The following OBI1 variants were observed in gnomAD, a reference collection of about 807,000 sequenced individuals.
OBI1 encodes ring finger protein 219.
Under a neutral mutation model 62.4 loss-of-function variants are expected in OBI1, and 59 were observed. That is an observed-to-expected ratio of 0.95 (90% CI 0.77 to 1.17). The LOEUF (loss-of-function observed/expected upper bound fraction) is 1.17, where lower values mean the gene tolerates loss of function less well. Ranked by LOEUF, OBI1 falls within the 50% of genes most tolerant of loss-of-function variation. The probability of loss-of-function intolerance (pLI) is 0.00; values close to 1 mark genes in which losing one functional copy is unlikely to be tolerated. For synonymous variants in OBI1, 302 were observed against 292.8 expected (o/e 1.03, Z -0.32); for missense variants, 875 against 830.9 (o/e 1.05, Z -0.65).
intron 5 of OBI1, among the ~76,000 whole-genome samples, chr13:78,621,840 T>A (rs1593786201): frequency 6.6e-6 from 1 of 152,188 alleles, no homozygotes; most frequent in Non-Finnish European, 1.5e-5. Flanking sequence ...GAGCAAACGA[T>A]AAAATGCTGG....
At chr13:78,649,698 G>C (rs1243573325) in intron 1 of OBI1, among the ~76,000 whole-genome samples, 1 of 152,162 alleles carries the variant, frequency 6.6e-6, no homozygotes, top group Non-Finnish European at 1.5e-5. Context: ...ACAGCGATAG[G>C]CAACAAAGTC....
At chr13:78,621,978 A>C (rs554519827) in intron 5 of OBI1, among the ~76,000 whole-genome samples, 1 of 152,242 alleles carries the variant, frequency 6.6e-6, no homozygotes, top group African/African-American at 2.4e-5. Flanking sequence ...TCACAAAAAA[A>C]CCACGAATTC....
intron 2 of OBI1, among the ~76,000 whole-genome samples, chr13:78,643,515 C>T (rs1425076759): frequency 6.6e-6 from 1 of 152,162 alleles, no homozygotes; most frequent in Non-Finnish European, 1.5e-5. Flanking sequence ...TGGCTGGGCA[C>T]GGTGGCTCAC....
rs758597214 is a variant in OBI1, at chr13:78,639,052, T to C, written c.320A>G (p.Gln107Arg). The change falls in exon 4 of 6, where the codon CAG (glutamine) becomes CGG (arginine). Residue 107 changes from glutamine (Q) to arginine (R), a missense_variant. Coordinates refer to ENST00000282003, the MANE Select transcript of OBI1 (RefSeq NM_024546.4). Reference protein sequence around the residue: ...KEYEDEIDCLQKEVEELKSKN... With the variant: ...KEYEDEIDCLRKEVEELKSKN... ...ACTCTTAAGCTCTTCTACTTCTTTC[T>C]GTAAACAATCTATTTCGTCCTGAAA... 5 of 1,613,136 alleles carry C rather than the reference T, an allele frequency of 3.1e-6. No homozygotes were observed. Among genetic ancestry groups the C allele is most frequent in the Non-Finnish European group, 4.2e-6 (5 of 1,179,724 alleles).
At chr13:78,650,295 A>G (rs776380430) in intron 1 of OBI1, among the ~76,000 whole-genome samples, 33 of 152,338 alleles carry the variant, frequency 2.2e-4, no homozygotes, top group Non-Finnish European at 3.8e-4. Flanking sequence ...TAGGGTCAAC[A>G]AAAATGTCTC....
At chr13:78,644,642 G>T (rs1173776255) in intron 2 of OBI1, among the ~76,000 whole-genome samples, 1 of 151,978 alleles carries the variant, frequency 6.6e-6, no homozygotes, top group Non-Finnish European at 1.5e-5. Flanking sequence ...CTATGAAAAT[G>T]TAAGTTCCGT....
chr13:78,639,126 C>T (rs2137453472), intron 3 of OBI1, 55 bp from the exon 4 acceptor site: 3 of 1,533,358 alleles, frequency 2.0e-6, no homozygotes, highest in Non-Finnish European at 2.6e-6. Flanking sequence ...CACATACATA[C>T]ATATGCTAAA....
intron 1 of OBI1, among the ~76,000 whole-genome samples, chr13:78,647,256 C>T (rs1001364518): frequency 6.6e-6 from 1 of 152,206 alleles, no homozygotes; most frequent in African/African-American, 2.4e-5. Context: ...AAGGGGAAGG[C>T]CCCTTGCAGT....
intron 1 of OBI1, among the ~76,000 whole-genome samples, chr13:78,654,663 G>C (rs1267616860): frequency 1.3e-5 from 2 of 152,164 alleles, no homozygotes; most frequent in Non-Finnish European, 2.9e-5. Context: ...GGATCCTTTT[G>C]ATAGCATTCC....
chr13:78,641,388 T>C (rs1284578666), intron 3 of OBI1, among the ~76,000 whole-genome samples: 2 of 152,176 alleles, frequency 1.3e-5, no homozygotes, highest in African/African-American at 4.8e-5. Context: ...CCAAAAATTT[T>C]TGAGGCAGTT....
intron 4 of OBI1, among the ~76,000 whole-genome samples, chr13:78,635,426 G>A (rs1875996060): frequency 1.3e-5 from 2 of 152,254 alleles, no homozygotes; most frequent in South Asian, 4.2e-4. Context: ...CTCCTGTCCA[G>A]GGAAATAAAC....
In OBI1 at chr13:78,638,954, C is replaced by A. The variant is rs749999321; in HGVS notation, c.418G>T (p.Glu140Ter). ...PLTLVQGNQN[E>*]DKHLVTDNPS... is the part of the protein sequence containing the mutation. ...TTATCTGTGACTAGATGTTTGTCTT[C>A]ATTTTGGTTGCCCTGCACCAAGGTT... The change falls in exon 4 of 6, where the codon GAA (glutamate) becomes TAA (stop). Residue 140 changes from glutamate to a stop codon, truncating the protein, a stop_gained. Coordinates refer to ENST00000282003, the MANE Select transcript of OBI1 (RefSeq NM_024546.4). LOFTEE classifies it high-confidence loss of function. The A allele has an allele frequency of 1.2e-6, 2 of 1,613,986 alleles. No homozygotes were observed. The highest frequency in any genetic ancestry group is 1.7e-6 in the Non-Finnish European group (2 of 1,179,948).
rs1226198674 is a variant in OBI1 at position 78,615,457 on chromosome 13, TTG to T, written c.*121_*122del. The T allele has an allele frequency of 5.3e-5, 36 of 675,000 alleles. No individual in the cohort carries two copies. Among genetic ancestry groups the T allele is most frequent in the Non-Finnish European group, 7.8e-5 (31 of 399,102 alleles). The allele number at this position is 675,000 out of a possible 1,614,324, so 41.8% of individuals were successfully genotyped here. On this transcript the variant is annotated 3_prime_UTR_variant, in exon 6 of 6. Coordinates refer to ENST00000282003, the MANE Select transcript of OBI1 (RefSeq NM_024546.4). The stretch of plus-strand genomic sequence containing the variant: ...GTACAGGTTAATCCACCATCCTGAC[TTG>T]ATACTTGACTAAAGATTATCAATTC...
chr13:78,651,986 T>C (rs905442874), intron 1 of OBI1, among the ~76,000 whole-genome samples: 7 of 152,036 alleles, frequency 4.6e-5, no homozygotes, highest in Admixed American at 1.3e-4. Context: ...ACCTCCCCAT[T>C]TAATATGACA....
intron 3 of OBI1, among the ~76,000 whole-genome samples, chr13:78,640,059 A>G (rs1876165417): frequency 6.6e-6 from 1 of 152,206 alleles, no homozygotes. Flanking sequence ...CATCCAGAAA[A>G]TAAGAAAAGT....
intron 1 of OBI1, among the ~76,000 whole-genome samples, chr13:78,651,751 T>G (rs1876551883): frequency 6.6e-6 from 1 of 152,250 alleles, no homozygotes; most frequent in Non-Finnish European, 1.5e-5. Flanking sequence ...GTTCACCTCT[T>G]TCTGCATTGT....
At chr13:78,629,823 T>G (rs967833906) in intron 5 of OBI1, among the ~76,000 whole-genome samples, 4 of 152,096 alleles carry the variant, frequency 2.6e-5, no homozygotes, top group African/African-American at 9.7e-5. Context: ...AAGTGGTGGA[T>G]GTAGTGGAGT....
intron 1 of OBI1, 106 bp downstream of exon 1, chr13:78,658,943 C>A: frequency 1.1e-6 from 1 of 943,528 alleles, no homozygotes; most frequent in Non-Finnish European, 1.7e-6. Flanking sequence ...TTTCTCCCAT[C>A]TCCGCGCCTC....
intron 5 of OBI1, among the ~76,000 whole-genome samples, chr13:78,623,745 C>T (rs991945051): frequency 2.0e-5 from 3 of 152,090 alleles, no homozygotes; most frequent in African/African-American, 7.2e-5. Context: ...TTTATTGGTA[C>T]ATACATTGGC....
Sources: gnomAD v4.1 joint callset for allele counts (sites outside exome capture counted in the v4.1 genomes callset) on GRCh38, gnomAD v4.1.1 for gene constraint, MANE v1.5 for transcripts, NCBI Gene and HGNC (gene_info 2026-07-23, HGNC 2026-07-21) for gene names.